The following GPHN variants were observed in gnomAD, a reference collection of about 807,000 sequenced individuals.
GPHN encodes gephyrin.
In GPHN, 17 loss-of-function variants were observed where a neutral mutation model predicts 95.5. The observed-to-expected ratio is 0.18, with a 90% CI of 0.12 to 0.27. The LOEUF is 0.27. Among genes scored for constraint, GPHN ranks in the 10% least tolerant of loss-of-function variants. The pLI is 1.00. For synonymous variants in GPHN, 320 were observed against 322.5 expected (o/e 0.99, Z 0.08); for missense variants, 660 against 978.1 (o/e 0.67, Z 4.34).
chr14:67,577,516 G>C, the GPHN span: 1 of 758,338 alleles, frequency 1.3e-6, no homozygotes. Context: ...ATCTGGAGAG[G>C]AAGGGAAGGA....
chr14:67,389,775 C>CTT, the GPHN span, among the ~76,000 whole-genome samples: 4 of 137,366 alleles, frequency 2.9e-5, no homozygotes, highest in South Asian at 2.4e-4. Context: ...TGTTTTTTTT[C>CTT]TTTTTTTTTT....
the GPHN span, chr14:67,392,679 T>C: frequency 1.9e-6 from 3 of 1,613,912 alleles, no homozygotes; most frequent in Non-Finnish European, 2.5e-6. Flanking sequence ...TACAGGGCTG[T>C]GGAGTCATCC....
At chr14:67,471,747 C>A in the GPHN span, 1 of 152,384 alleles carries the variant, frequency 6.6e-6, no homozygotes, top group Non-Finnish European at 1.5e-5. Context: ...GTGGCCCACC[C>A]CACCACACCC....
the GPHN span, among the ~76,000 whole-genome samples, chr14:67,317,133 CTT>C: frequency 1.3e-5 from 2 of 152,122 alleles, no homozygotes; most frequent in Non-Finnish European, 2.9e-5. Flanking sequence ...GAAAAATAGT[CTT>C]TATACAAACA....
At chr14:66,638,112 TG>T (rs2064200212) in intron 1 of GPHN, among the ~76,000 whole-genome samples, 1 of 152,152 alleles carries the variant, frequency 6.6e-6, no homozygotes, top group African/African-American at 2.4e-5. Context: ...TCCTCCATCT[TG>T]AAACATTTTG....
At chr14:67,636,261 C>CA in the GPHN span, among the ~76,000 whole-genome samples, 389 of 142,596 alleles carry the variant, frequency 2.7e-3, 1 homozygote, top group African/African-American at 4.2e-3. Context: ...CTTATGCTGT[C>CA]AAAAAAAAAA....
At chr14:67,002,309 C>CTTTTTTTTTTTTTT (rs1177817698) in intron 9 of GPHN, among the ~76,000 whole-genome samples, 4 of 58,758 alleles carry the variant, frequency 6.8e-5, no homozygotes, top group Admixed American at 2.1e-4. Context: ...CTTTGTGTTG[C>CTTTTTTTTTTTTTT]TTTTTTTTTT....
intron 2 of GPHN, among the ~76,000 whole-genome samples, chr14:66,733,134 A>G (rs1229984739): frequency 2.6e-5 from 4 of 152,048 alleles, no homozygotes; most frequent in Non-Finnish European, 5.9e-5. Flanking sequence ...CATGCTATTC[A>G]GTAATAATCA....
rs1198341610 is a variant in GPHN at position 66,683,385 on chromosome 14, T to TATATATGTATATGTTCATATATATGTAC, written c.143+2206_143+2207insGTATATGTTCATATATATGTACATATAT. On this transcript the variant is annotated intron_variant, in intron 2 of 22. Coordinates refer to ENST00000478722, the MANE Select transcript of GPHN (RefSeq NM_020806.5). ...ATATATATATATATATATATGTTCA[T>TATATATGTATATGTTCATATATATGTAC]ATATATATGTTCATATATATATATG... is the stretch of plus-strand genomic sequence containing the variant. Among the ~76,000 whole-genome samples the TATATATGTATATGTTCATATATATGTAC allele has an allele frequency of 3.0e-4, 33 of 109,820 alleles. 3 individuals are homozygous for TATATATGTATATGTTCATATATATGTAC. The highest frequency in any genetic ancestry group is 1.7e-3 in the African/African-American group (31 of 18,316). The allele number at this position is 109,820 out of a possible 152,430, so 72.0% of individuals were successfully genotyped here.
At chr14:67,456,602 C>CAAA in the GPHN span, among the ~76,000 whole-genome samples, 2 of 83,984 alleles carry the variant, frequency 2.4e-5, no homozygotes, top group Admixed American at 1.4e-4. Context: ...AACTCCATCT[C>CAAA]AAAAAAAAAA....
At chr14:66,641,884 G>T (rs1013624314) in intron 1 of GPHN, among the ~76,000 whole-genome samples, 1 of 152,120 alleles carries the variant, frequency 6.6e-6, no homozygotes, top group Admixed American at 6.6e-5. Flanking sequence ...GTAAAAAAAT[G>T]ACTATCTCTT....
At chr14:66,671,017 TA>T (rs546876249) in intron 1 of GPHN, among the ~76,000 whole-genome samples, 94 of 152,300 alleles carry the variant, frequency 6.2e-4, no homozygotes, top group African/African-American at 2.2e-3. Flanking sequence ...AATAACAGTT[TA>T]GAGTTTATGT....
At chr14:67,600,055 A>G in the GPHN span, 2 of 1,587,396 alleles carry the variant, frequency 1.3e-6, no homozygotes, top group Admixed American at 1.8e-5. Context: ...GTAGGCCGCC[A>G]GCCACACCGT....
chr14:67,592,553 A>G, the GPHN span: 1 of 852,730 alleles, frequency 1.2e-6, no homozygotes, highest in Non-Finnish European at 2.0e-6. Flanking sequence ...GGTATCTTCC[A>G]ATACTCTGAC....
At chr14:66,744,801 T>C (rs896784395) in intron 2 of GPHN, among the ~76,000 whole-genome samples, 6 of 152,168 alleles carry the variant, frequency 3.9e-5, no homozygotes, top group African/African-American at 2.4e-5. Flanking sequence ...GCCTCATCTT[T>C]GACAGTAGAT....
intron 18 of GPHN, among the ~76,000 whole-genome samples, chr14:67,150,581 A>G (rs1193181521): frequency 1.3e-5 from 2 of 152,084 alleles, no homozygotes; most frequent in African/African-American, 4.8e-5. Flanking sequence ...TTGATAAATA[A>G]GCCTATAGAA....
intron 21 of GPHN, among the ~76,000 whole-genome samples, chr14:67,179,168 T>G (rs1166919913): frequency 6.6e-6 from 1 of 152,096 alleles, no homozygotes; most frequent in Non-Finnish European, 1.5e-5. Flanking sequence ...CAGGATCGCT[T>G]GAGCCCAGGA....
the GPHN span, among the ~76,000 whole-genome samples, chr14:67,599,547 C>CTA: frequency 1.1e-4 from 17 of 152,198 alleles, no homozygotes; most frequent in Non-Finnish European, 2.2e-4. Flanking sequence ...AACACTCTAT[C>CTA]TATACACACA....
intron 1 of GPHN, among the ~76,000 whole-genome samples, chr14:66,669,569 C>T (rs1595479641): frequency 6.6e-6 from 1 of 151,408 alleles, no homozygotes; most frequent in South Asian, 2.1e-4. Context: ...AACTTTAGTT[C>T]TTTTGTTATT....
Sources: gnomAD v4.1 joint callset for allele counts (sites outside exome capture counted in the v4.1 genomes callset) on GRCh38, gnomAD v4.1.1 for gene constraint, MANE v1.5 for transcripts, NCBI Gene and HGNC (gene_info 2026-07-23, HGNC 2026-07-21) for gene names.